The following TMEM232 variants were observed in gnomAD, a reference collection of about 807,000 sequenced individuals.
The protein encoded by TMEM232 is transmembrane protein 232.
TMEM232 carries 80 observed loss-of-function variants against 78.8 expected under a neutral mutation model. That is an observed-to-expected ratio of 1.01 (90% CI 0.85 to 1.22). TMEM232 has a LOEUF of 1.22. TMEM232 is among the 50% of genes most tolerant of loss of function. The probability of loss-of-function intolerance (pLI) is 0.00; values close to 1 mark genes in which losing one functional copy is unlikely to be tolerated. For missense variants in TMEM232, 881 were observed against 742.2 expected, an observed-to-expected ratio of 1.19 and a Z score of -2.17; for synonymous variants, 297 against 254.3, an observed-to-expected ratio of 1.17 and a Z score of -1.60.
intron 12 of TMEM232, among the ~76,000 whole-genome samples, chr5:110,519,395 G>T (rs993277475): frequency 2.0e-5 from 3 of 152,116 alleles, no homozygotes; most frequent in African/African-American, 7.2e-5. Flanking sequence ...ATTCATCAGA[G>T]AAATTCAAAT....
chr5:110,523,244 G>A (rs1414520505), intron 12 of TMEM232, among the ~76,000 whole-genome samples: 2 of 152,078 alleles, frequency 1.3e-5, no homozygotes, highest in African/African-American at 2.4e-5. Context: ...GGCATCAACT[G>A]TAGCGTCTCT....
At chr5:110,632,884 C>T (rs751871582) in intron 5 of TMEM232, among the ~76,000 whole-genome samples, 2 of 152,088 alleles carry the variant, frequency 1.3e-5, no homozygotes, top group Non-Finnish European at 2.9e-5. Context: ...GAGATTTAGA[C>T]ATCCAGATCG....
At chr5:110,706,063 A>G (rs999245630) in intron 1 of TMEM232, among the ~76,000 whole-genome samples, 1 of 152,004 alleles carries the variant, frequency 6.6e-6, no homozygotes, top group Non-Finnish European at 1.5e-5. Flanking sequence ...TACTTCTAGG[A>G]AAAAAATAAC....
At position 110,695,137 on chromosome 5, in the gene TMEM232, C is replaced by G. The variant is rs1444866200; in HGVS notation, c.-12-27773G>C. Among the ~76,000 whole-genome samples the G allele has an allele frequency of 1.7e-4, 26 of 152,136 alleles. No individual in the cohort carries two copies. The South Asian group carries it at 2.5e-3, about 15-fold the overall frequency. Reference sequence around the variant, plus strand: ...ACAGTGCAATCAAACTAGAACTCAGCATTAAGAAACTCACTCAAAACCACT... The same window carrying G: ...ACAGTGCAATCAAACTAGAACTCAGGATTAAGAAACTCACTCAAAACCACT... On this transcript the variant is annotated intron_variant, in intron 1 of 13. Transcript: ENST00000455884.
intron 1 of TMEM232, among the ~76,000 whole-genome samples, chr5:110,724,688 C>T (rs1032596395): frequency 1.3e-5 from 2 of 151,830 alleles, no homozygotes; most frequent in Non-Finnish European, 2.9e-5. Flanking sequence ...GAAAGGCATC[C>T]TAAAAGATAA....
intron 12 of TMEM232, among the ~76,000 whole-genome samples, chr5:110,446,676 T>C (rs17132145): frequency 0.034 from 5,167 of 152,156 alleles, 301 homozygotes; most frequent in African/African-American, 0.12. Flanking sequence ...CACTGTTTTA[T>C]TCCATAAGTT....
intron 10 of TMEM232, among the ~76,000 whole-genome samples, chr5:110,575,334 A>G (rs1777455459): frequency 6.6e-6 from 1 of 152,036 alleles, no homozygotes; most frequent in Admixed American, 6.6e-5. Flanking sequence ...ATGGAAAACC[A>G]AACTTTAAAA....
chr5:110,715,540 A>C (rs763857481), intron 1 of TMEM232, among the ~76,000 whole-genome samples: 30 of 152,198 alleles, frequency 2.0e-4, no homozygotes, highest in Non-Finnish European at 4.1e-4. Context: ...AAAATATCCG[A>C]ATATCTTTAT....
intron 1 of TMEM232, among the ~76,000 whole-genome samples, chr5:110,736,236 G>A (rs1799146246): frequency 6.6e-6 from 1 of 152,118 alleles, no homozygotes; most frequent in African/African-American, 2.4e-5. Flanking sequence ...GAGAAATACA[G>A]GATGATAGAG....
exon 4 of TMEM232, chr5:110,390,580 A>C (rs1226413943): frequency 2.0e-5 from 3 of 152,214 alleles, no homozygotes; most frequent in Admixed American, 1.3e-4. Flanking sequence ...ATAGGATCGT[A>C]TGATGGGTGA....
intron 2 of TMEM232, among the ~76,000 whole-genome samples, chr5:110,652,294 G>GCACGCGCGCA (rs1554069162): frequency 1.4e-4 from 21 of 145,360 alleles, no homozygotes; most frequent in African/African-American, 5.2e-4. Context: ...GCACGCGCGC[G>GCACGCGCGCA]CACACACACA....
At chr5:110,477,287 A>C (rs1020287044) in intron 12 of TMEM232, among the ~76,000 whole-genome samples, 6 of 151,940 alleles carry the variant, frequency 3.9e-5, no homozygotes, top group Admixed American at 2.6e-4. Flanking sequence ...AACTATCTTT[A>C]ACCATGGATC....
At chr5:110,576,905 A>C (rs1777633859) in intron 10 of TMEM232, among the ~76,000 whole-genome samples, 1 of 152,126 alleles carries the variant, frequency 6.6e-6, no homozygotes. Context: ...TAAAAACTTA[A>C]CTGTAAGACC....
chr5:110,460,359 A>G (rs972835872), intron 12 of TMEM232, among the ~76,000 whole-genome samples: 3 of 151,960 alleles, frequency 2.0e-5, no homozygotes, highest in Non-Finnish European at 2.9e-5. Context: ...TAAATGAGGC[A>G]ATATGTAAAC....
chr5:110,438,117 T>A (rs2112733666), intron 12 of TMEM232, among the ~76,000 whole-genome samples: 1 of 152,222 alleles, frequency 6.6e-6, no homozygotes, highest in Non-Finnish European at 1.5e-5. Context: ...ACCAAGGAAC[T>A]TGATCTCACC....
At chr5:110,558,790 C>T (rs1319099100) in intron 11 of TMEM232, among the ~76,000 whole-genome samples, 1 of 152,164 alleles carries the variant, frequency 6.6e-6, no homozygotes, top group Non-Finnish European at 1.5e-5. Flanking sequence ...CTATCTCTGC[C>T]AGCTCAAATG....
intron 1 of TMEM232, among the ~76,000 whole-genome samples, chr5:110,679,536 C>T (rs1367733850): frequency 6.6e-6 from 1 of 152,052 alleles, no homozygotes; most frequent in Non-Finnish European, 1.5e-5. Flanking sequence ...ATGAAGTCGA[C>T]CTTATCAATT....
At chr5:110,496,781 T>C (rs1765691361) in intron 12 of TMEM232, among the ~76,000 whole-genome samples, 1 of 152,026 alleles carries the variant, frequency 6.6e-6, no homozygotes, top group African/African-American at 2.4e-5. Context: ...CATCTGATAC[T>C]GCCAATTTTT....
intron 2 of TMEM232, among the ~76,000 whole-genome samples, chr5:110,402,843 T>C (rs1755653364): frequency 6.6e-6 from 1 of 151,978 alleles, no homozygotes; most frequent in Admixed American, 6.6e-5. Context: ...CTACAAAAAG[T>C]GGTGGAGAGG....
Sources: allele counts gnomAD v4.1 joint callset (sites outside exome capture counted in the v4.1 genomes callset), GRCh38; gene constraint gnomAD v4.1.1; transcripts MANE v1.5; gene names NCBI Gene and HGNC (gene_info 2026-07-23, HGNC 2026-07-21).